Variants in PTPRG observed in about 807,000 individuals in gnomAD.
PTPRG encodes receptor-type tyrosine-protein phosphatase gamma.
PTPRG carries 102 observed loss-of-function variants against 165.3 expected under a neutral mutation model. The ratio of observed to expected loss-of-function variants is 0.62; its 90% CI spans 0.53 to 0.73. The LOEUF is 0.73. Among genes scored for constraint, PTPRG ranks in the 30% least tolerant of loss-of-function variants. The pLI is 0.00. For synonymous variants in PTPRG, 675 were observed against 669.5 expected, an observed-to-expected ratio of 1.01 and a Z score of -0.13; for missense variants, 1,866 against 1,861.4, an observed-to-expected ratio of 1.00 and a Z score of -0.05.
intron 2 of PTPRG, among the ~76,000 whole-genome samples, chr3:61,905,498 T>A (rs866307719): frequency 6.6e-6 from 1 of 152,202 alleles, no homozygotes; most frequent in African/African-American, 2.4e-5. Context: ...GAACTTTTCA[T>A]TTTCTCAGAT....
chr3:61,626,026 G>C (rs56090143), intron 1 of PTPRG, among the ~76,000 whole-genome samples: 62,447 of 147,900 alleles, frequency 0.42, 13,111 homozygotes, highest in Middle Eastern at 0.48. Flanking sequence ...TTTTTTTTGG[G>C]GGGGCGGGAG....
At chr3:62,134,058 AG>A (rs1265829889) in intron 6 of PTPRG, among the ~76,000 whole-genome samples, 5 of 152,074 alleles carry the variant, frequency 3.3e-5, no homozygotes, top group Non-Finnish European at 7.4e-5. Context: ...CCCATTCTTC[AG>A]GGCTCTTACC....
rs562494078 is a variant in PTPRG, at chr3:62,254,004, A to G, written c.2468-1120A>G. Among the ~76,000 whole-genome samples, 8 of 152,334 alleles carry G rather than the reference A, an allele frequency of 5.3e-5. No homozygotes were observed. The highest frequency in any genetic ancestry group is 1.7e-4 in the African/African-American group (7 of 41,586). ...AAGTTTGAAAATGTCAATAGATGCA[A>G]AAAGCCACCCTAGAGCTTTGCTCTC... On this transcript the variant is annotated intron_variant, in intron 15 of 29. Coordinates refer to ENST00000474889, the MANE Select transcript of PTPRG (RefSeq NM_002841.4). The surrounding 1 kb of genome is among the most constrained non-coding windows in gnomAD (Gnocchi z 4.6).
chr3:62,184,103 T>C (rs1309422117), intron 8 of PTPRG, among the ~76,000 whole-genome samples: 1 of 152,178 alleles, frequency 6.6e-6, no homozygotes, highest in Non-Finnish European at 1.5e-5. Flanking sequence ...AAGCCCAGTG[T>C]CATCATCTTT....
chr3:62,028,424 G>A (rs1183499011), intron 4 of PTPRG, among the ~76,000 whole-genome samples: 1 of 152,064 alleles, frequency 6.6e-6, no homozygotes, highest in Non-Finnish European at 1.5e-5. Flanking sequence ...TGAAATGTGT[G>A]GTTTCATTAA....
At chr3:61,854,056 A>C (rs1032155105) in intron 2 of PTPRG, among the ~76,000 whole-genome samples, 1 of 152,208 alleles carries the variant, frequency 6.6e-6, no homozygotes, top group African/African-American at 2.4e-5. Flanking sequence ...TTCAAAAGAG[A>C]AAGGCCTGTT....
At chr3:61,622,654 C>G (rs1195432138) in intron 1 of PTPRG, among the ~76,000 whole-genome samples, 1 of 152,070 alleles carries the variant, frequency 6.6e-6, no homozygotes, top group Non-Finnish European at 1.5e-5. Flanking sequence ...AATTGCAAAT[C>G]CTTATAACTG....
At chr3:61,563,098 T>A (rs1699806667) in intron 1 of PTPRG, among the ~76,000 whole-genome samples, 1 of 151,480 alleles carries the variant, frequency 6.6e-6, no homozygotes, top group Non-Finnish European at 1.5e-5. Context: ...TCCGCTGCTC[T>A]GCTCGATTGG....
chr3:61,618,288 C>T (rs903047995), intron 1 of PTPRG, among the ~76,000 whole-genome samples: 6 of 152,150 alleles, frequency 3.9e-5, no homozygotes, highest in African/African-American at 1.2e-4. Flanking sequence ...AAAGTTTATA[C>T]TGAAGTTATA....
intron 4 of PTPRG, among the ~76,000 whole-genome samples, chr3:62,074,182 T>A (rs919855610): frequency 1.2e-4 from 16 of 130,664 alleles, no homozygotes; most frequent in Admixed American, 5.4e-4. Context: ...AAAGTGAGAG[T>A]GTGTGTGTGT....
chr3:61,915,155 G>C (rs987261655), intron 2 of PTPRG, among the ~76,000 whole-genome samples: 1 of 152,192 alleles, frequency 6.6e-6, no homozygotes, highest in African/African-American at 2.4e-5. Context: ...CTTGAACCCA[G>C]GTGGCGGAGG....
At chr3:62,083,653 G>A (rs1026837515) in intron 5 of PTPRG, among the ~76,000 whole-genome samples, 1 of 152,212 alleles carries the variant, frequency 6.6e-6, no homozygotes, top group Non-Finnish European at 1.5e-5. Flanking sequence ...AGAAGAAAGA[G>A]TACCCAATAC....
chr3:61,711,752 T>C (rs898169594), intron 1 of PTPRG, among the ~76,000 whole-genome samples: 2 of 152,230 alleles, frequency 1.3e-5, no homozygotes, highest in African/African-American at 2.4e-5. Context: ...GTTTTCTCTT[T>C]ACTTGCGTAT....
chr3:62,104,799 A>G (rs1411251102), intron 5 of PTPRG, among the ~76,000 whole-genome samples: 1 of 152,250 alleles, frequency 6.6e-6, no homozygotes, highest in Non-Finnish European at 1.5e-5. Flanking sequence ...CTGCAAGGTC[A>G]TATGTCATCA....
At chr3:61,939,352 C>A (rs565830307) in intron 2 of PTPRG, among the ~76,000 whole-genome samples, 1 of 152,118 alleles carries the variant, frequency 6.6e-6, no homozygotes, top group Non-Finnish European at 1.5e-5. Flanking sequence ...GCTTACATAG[C>A]AAAACTGAGT....
intron 1 of PTPRG, among the ~76,000 whole-genome samples, chr3:61,577,123 C>T (rs1445303658): frequency 1.3e-5 from 2 of 152,040 alleles, no homozygotes; most frequent in Non-Finnish European, 2.9e-5. Context: ...TGATTGTTAC[C>T]TTTAGGGTAG....
At chr3:61,916,024 C>G (rs1264041003) in intron 2 of PTPRG, among the ~76,000 whole-genome samples, 1 of 152,152 alleles carries the variant, frequency 6.6e-6, no homozygotes, top group Admixed American at 6.5e-5. Flanking sequence ...GCTTTTAATT[C>G]TTATGCATAA....
chr3:62,014,306 C>T (rs577194216), intron 4 of PTPRG, among the ~76,000 whole-genome samples: 7 of 152,198 alleles, frequency 4.6e-5, no homozygotes, highest in South Asian at 4.2e-4. Context: ...GTATTGAGCA[C>T]GGATACTGCT....
At chr3:61,614,418 C>CTTTT (rs550755163) in intron 1 of PTPRG, among the ~76,000 whole-genome samples, 13,020 of 117,608 alleles carry the variant, frequency 0.11, 1,323 homozygotes, top group East Asian at 0.21. Flanking sequence ...TTAATAATAC[C>CTTTT]TTTTTTTTTT....
Sources: allele counts gnomAD v4.1 joint callset (sites outside exome capture counted in the v4.1 genomes callset), GRCh38; gene constraint gnomAD v4.1.1; non-coding constraint Gnocchi (gnomAD v3.1); transcripts MANE v1.5; gene names NCBI Gene and HGNC (gene_info 2026-07-23, HGNC 2026-07-21).